The following CDKN2A variants were observed in gnomAD, a reference collection of about 807,000 sequenced individuals.
CDKN2A encodes the protein cyclin dependent kinase inhibitor 2A.
CDKN2A carries 3 observed loss-of-function variants against 11.1 expected under a neutral mutation model. That is an observed-to-expected ratio of 0.27 (90% CI 0.12 to 0.70). The LOEUF (loss-of-function observed/expected upper bound fraction) is 0.70. Ranked by LOEUF, CDKN2A falls within the 30% of genes least tolerant of loss-of-function variation. The pLI is 0.77. For synonymous variants in CDKN2A, 122 were observed against 108.1 expected (o/e 1.13, Z -0.80); for missense variants, 265 against 233.6 (o/e 1.13, Z -0.88).
At chr9:21,982,107 G>A (rs1278816126) in intron 2 of CDKN2A, among the ~76,000 whole-genome samples, 1 of 152,146 alleles carries the variant, frequency 6.6e-6, no homozygotes, top group African/African-American at 2.4e-5. Context: ...CCCTCATTCA[G>A]AATTACTGTA....
chr9:21,982,537 T>C (rs1820218164), intron 2 of CDKN2A, among the ~76,000 whole-genome samples: 1 of 152,066 alleles, frequency 6.6e-6, no homozygotes, highest in Admixed American at 6.6e-5. Flanking sequence ...TTGTAGCTAT[T>C]TGATCAGCTG....
At position 21,993,630 on chromosome 9, in the gene CDKN2A, G is replaced by A. The variant is rs1163351772; in HGVS notation, c.-4+252C>T. Among the ~76,000 whole-genome samples the A allele has an allele frequency of 5.9e-5, 9 of 152,158 alleles. No homozygotes were observed. In the East Asian group the frequency reaches 1.7e-3, roughly 29 times the overall value. ...ATCCTTGTTAGCATTTCAGGAAGTC[G>A]CTGCCTGCGTGCCCCGTATCTCACG... On this transcript the variant is annotated intron_variant, in intron 2 of 3. Transcript: ENST00000494262.
At chr9:21,975,703 G>T (rs569216491), upstream of CDKN2A, among the ~76,000 whole-genome samples, 11 of 152,310 alleles carry the variant, frequency 7.2e-5, no homozygotes, top group South Asian at 2.3e-3. Flanking sequence ...TCTGCCTGTA[G>T]GCAGATAGGA....
chr9:21,981,594 T>C (rs970138268), intron 2 of CDKN2A, among the ~76,000 whole-genome samples: 9 of 151,696 alleles, frequency 5.9e-5, no homozygotes, highest in Middle Eastern at 3.5e-3. Context: ...GTCCCTGTCC[T>C]AGTTCTACCA....
At chr9:21,982,553 A>G (rs1248565916) in intron 2 of CDKN2A, among the ~76,000 whole-genome samples, 1 of 152,044 alleles carries the variant, frequency 6.6e-6, no homozygotes, top group Non-Finnish European at 1.5e-5. Flanking sequence ...AGCTGAGAAC[A>G]CTAAAAGATT....
intron 2 of CDKN2A, chr9:21,969,692 C>T: frequency 7.5e-6 from 3 of 398,208 alleles, no homozygotes. Flanking sequence ...CCTGGAACCG[C>T]GCTGTAATTG....
intron 1 of CDKN2A, 168 bp from the exon 2 acceptor site, chr9:21,971,376 C>G: frequency 6.7e-7 from 1 of 1,481,540 alleles, no homozygotes; most frequent in Non-Finnish European, 8.9e-7. Flanking sequence ...GTTCTCTATC[C>G]ATTCTTCAGT....
chr9:21,993,721 C>T lies in CDKN2A; in HGVS notation c.-4+161G>A, dbSNP rs111690342. On this transcript the variant is annotated intron_variant, in intron 2 of 3. Coordinates refer to the CDKN2A transcript ENST00000494262. ...CCGGGAGGCTGGGGAGAAAAAAGGCCGCCTCCAGAAAACTTAGATGGTTAG... is the reference window on the plus strand; with the variant it reads ...CCGGGAGGCTGGGGAGAAAAAAGGCTGCCTCCAGAAAACTTAGATGGTTAG... Among the ~76,000 whole-genome samples, 667 of 152,070 alleles carry T rather than the reference C, an allele frequency of 4.4e-3. 7 individuals are homozygous for T. Among genetic ancestry groups the T allele is most frequent in the Middle Eastern group, 0.01 (3 of 294 alleles).
rs1064793582 is a variant in CDKN2A, at chr9:21,994,211, C to T, written c.-175-158G>A. ...AGCATCAGCACGAGGGCCACAGCGG[C>T]GGGCGCCCCTGGCGCTGCCCACTCC... On this transcript the variant is annotated intron_variant, in intron 1 of 3. Coordinates refer to the CDKN2A transcript ENST00000494262. The T allele has an allele frequency of 1.0e-5, 16 of 1,605,770 alleles. No individual in the cohort carries two copies. Among genetic ancestry groups the T allele is most frequent in the South Asian group, 2.2e-5 (2 of 91,012 alleles).
rs965075035 is a variant in CDKN2A, at chr9:21,968,486, G to C, written c.458-244C>G. On this transcript the variant is annotated intron_variant, in intron 2 of 2. Coordinates refer to ENST00000304494, the MANE Select transcript of CDKN2A (RefSeq NM_000077.5). The surrounding 1 kb of genome is among the most constrained non-coding windows in gnomAD (Gnocchi z 4.7). ...CCGCTCAAGCGCTCCAGGTCCACCC[G>C]GCGGAGGGCAGAGAAAGCGCGACCG... The C allele has an allele frequency of 6.9e-7, 1 of 1,458,604 alleles. No individual in the cohort carries two copies. Among genetic ancestry groups the C allele is most frequent in the Non-Finnish European group, 9.0e-7 (1 of 1,112,472 alleles). The allele number at this position is 1,458,604 out of a possible 1,614,324, so 90.4% of individuals were successfully genotyped here.
chr9:21,978,980 C>T (rs2518720), upstream of CDKN2A, among the ~76,000 whole-genome samples: 65,320 of 152,004 alleles, frequency 0.43, 14,967 homozygotes, highest in African/African-American at 0.59. Flanking sequence ...AAGCATGTAA[C>T]GCTCTTAGAA....
upstream of CDKN2A, among the ~76,000 whole-genome samples, chr9:21,975,499 G>A (rs1344311513): frequency 6.6e-6 from 1 of 151,480 alleles, no homozygotes; most frequent in Admixed American, 6.6e-5. Flanking sequence ...TCAGGAGCGC[G>A]GGGTTCACTA....
Position 21,968,992 on chromosome 9 carries a change from G to A in CDKN2A, c.458-750C>T, listed in dbSNP as rs1207810155. 6.6e-6 allele frequency among the ~76,000 whole-genome samples: 1 copy of A among 152,086 alleles called. No individual in the cohort carries two copies. Among genetic ancestry groups the A allele is most frequent in the Admixed American group, 6.6e-5 (1 of 15,266 alleles). Reference sequence around the variant, plus strand: ...ATTTGCACTTGAGTTTCTTTCTCCCGTAGCTTGCATTAGATTCTCCGACCA... The same window carrying A: ...ATTTGCACTTGAGTTTCTTTCTCCCATAGCTTGCATTAGATTCTCCGACCA... On this transcript the variant is annotated intron_variant, in intron 2 of 2. Coordinates refer to ENST00000304494, the MANE Select transcript of CDKN2A (RefSeq NM_000077.5). This position sits in a 1 kb window ranked among gnomAD's most constrained non-coding sequence, Gnocchi z 4.7.
intron 1 of CDKN2A, chr9:21,994,589 A>C: frequency 1.2e-6 from 1 of 848,818 alleles, no homozygotes; most frequent in Non-Finnish European, 1.6e-6. Context: ...GCACGCGGGA[A>C]GGGCTGCCGG....
At chr9:21,978,649 C>A (rs1398458231), upstream of CDKN2A, among the ~76,000 whole-genome samples, 2 of 152,136 alleles carry the variant, frequency 1.3e-5, no homozygotes, top group African/African-American at 4.8e-5. Context: ...TTTGCACTGC[C>A]TTTGCAGTTT....
rs566313030 is a variant in CDKN2A, at chr9:21,968,350, A to G, written c.458-108T>C. On this transcript the variant is annotated intron_variant, in intron 2 of 2. Coordinates refer to ENST00000304494, the MANE Select transcript of CDKN2A (RefSeq NM_000077.5). The surrounding 1 kb of genome is among the most constrained non-coding windows in gnomAD (Gnocchi z 4.7). ...CCTACCGGCATTGAAATACTTATGG[A>G]TAAAGTTCTCGCAATGGCTTCACGT... 7.2e-6 allele frequency: 11 copies of G among 1,526,794 alleles called. No individual in the cohort carries two copies. In the East Asian group the frequency reaches 2.3e-4, roughly 32 times the overall value. The allele number at this position is 1,526,794 out of a possible 1,614,324, so 94.6% of individuals were successfully genotyped here. A position where few individuals can be genotyped will look rare whatever the true frequency, so the allele number is the denominator to read the frequency against.
Position 21,991,653 on chromosome 9 carries a change from T to C in CDKN2A, c.-4+2229A>G, listed in dbSNP as rs3731196. On this transcript the variant is annotated intron_variant, in intron 2 of 3. Transcript: ENST00000494262. The surrounding 1 kb of genome is among the most constrained non-coding windows in gnomAD (Gnocchi z 5.2). The stretch of plus-strand genomic sequence containing the variant: ...AGCTTAACTCTATCATGGTAGTTGA[T>C]AGTGATGAACTAACGTGGAATAATA... 1.5e-4 allele frequency: 144 copies of C among 984,614 alleles called. 1 individual carries two copies. In the East Asian group the frequency reaches 0.014, roughly 98 times the overall value. The allele number at this position is 984,614 out of a possible 1,614,324, so 61.0% of individuals were successfully genotyped here.
intron 2 of CDKN2A, among the ~76,000 whole-genome samples, chr9:21,984,483 C>T (rs1479393242): frequency 6.6e-6 from 1 of 152,006 alleles, no homozygotes; most frequent in Non-Finnish European, 1.5e-5. Flanking sequence ...TAACCTCCCT[C>T]TTTTTCATTC....
intron 2 of CDKN2A, among the ~76,000 whole-genome samples, chr9:21,984,905 A>G (rs1261738987): frequency 2.0e-5 from 3 of 151,698 alleles, no homozygotes; most frequent in East Asian, 1.9e-4. Context: ...TCTGAAGCCA[A>G]TCTCCCCTCT....
Sources: gnomAD v4.1 joint callset for allele counts (sites outside exome capture counted in the v4.1 genomes callset) on GRCh38, gnomAD v4.1.1 for gene constraint, Gnocchi (gnomAD v3.1) non-coding constraint, MANE v1.5 for transcripts, NCBI Gene and HGNC (gene_info 2026-07-23, HGNC 2026-07-21) for gene names.